Variants in PDE1C observed in about 807,000 individuals in gnomAD.
PDE1C encodes dual specificity calcium/calmodulin-dependent 3',5'-cyclic nucleotide phosphodiesterase 1C.
A neutral mutation model predicts 93.1 loss-of-function variants in PDE1C; 62 were observed. That is an observed-to-expected ratio of 0.67 (90% CI 0.54 to 0.82). The LOEUF (loss-of-function observed/expected upper bound fraction) is 0.82, where lower values mean the gene tolerates loss of function less well. PDE1C is among the 40% of genes least tolerant of loss of function. PDE1C has a pLI of 0.00. For synonymous variants in PDE1C, 325 were observed against 310.1 expected (o/e 1.05, Z -0.50); for missense variants, 742 against 884.6 (o/e 0.84, Z 2.04).
Position 32,357,338 on chromosome 7 carries a change from A to AC in PDE1C, c.310+70483_310+70484insG, listed in dbSNP as rs72109234. Among the ~76,000 whole-genome samples, 453 of 105,180 alleles carry AC rather than the reference A, an allele frequency of 4.3e-3. 2 individuals are homozygous for AC. Among genetic ancestry groups the AC allele is most frequent in the South Asian group, 0.01 (39 of 3,838 alleles). 69.0% of individuals were successfully genotyped at this position (105,180 alleles called of 152,430 possible). On this transcript the variant is annotated intron_variant, in intron 1 of 1. Coordinates refer to the PDE1C transcript ENST00000672256. ...AACAGAGCGAGATTCCATCACACAC[A>AC]AAAAAAAAACCTTTAAGTGACTGTG...
intron 1 of PDE1C, among the ~76,000 whole-genome samples, chr7:32,331,775 T>G (rs1783521146): frequency 6.6e-6 from 1 of 152,172 alleles, no homozygotes; most frequent in African/African-American, 2.4e-5. Flanking sequence ...AACTCCCAAG[T>G]TTGGGACTGA....
intron 1 of PDE1C, among the ~76,000 whole-genome samples, chr7:32,212,751 G>T (rs1464476191): frequency 6.6e-6 from 1 of 152,096 alleles, no homozygotes; most frequent in Non-Finnish European, 1.5e-5. Flanking sequence ...ATTCACTTCT[G>T]AAAAGCCTCC....
chr7:31,633,076 A>C, the PDE1C span, among the ~76,000 whole-genome samples: 1 of 151,912 alleles, frequency 6.6e-6, no homozygotes, highest in Non-Finnish European at 1.5e-5. Flanking sequence ...TAGTAAAGAC[A>C]GGGTTTCACC....
At chr7:32,216,531 G>A (rs1806447314) in intron 1 of PDE1C, among the ~76,000 whole-genome samples, 1 of 152,198 alleles carries the variant, frequency 6.6e-6, no homozygotes, top group Non-Finnish European at 1.5e-5. Flanking sequence ...GAACGTGATG[G>A]AGCCAAGGAT....
the PDE1C span, among the ~76,000 whole-genome samples, chr7:31,669,118 C>T: frequency 6.6e-6 from 1 of 152,242 alleles, no homozygotes; most frequent in East Asian, 1.9e-4. Flanking sequence ...TGATGTGACG[C>T]ATTTTAAGAG....
chr7:31,928,335 T>C (rs1489707158), intron 2 of PDE1C, among the ~76,000 whole-genome samples: 1 of 152,020 alleles, frequency 6.6e-6, no homozygotes, highest in African/African-American at 2.4e-5. Flanking sequence ...ACAGGGAGAA[T>C]GGAACCAAGT....
chr7:32,249,550 G>A (rs923896609), intron 1 of PDE1C, among the ~76,000 whole-genome samples: 4 of 152,126 alleles, frequency 2.6e-5, no homozygotes, highest in Non-Finnish European at 4.4e-5. Context: ...GAGGACAAAG[G>A]ACACCCAAAA....
At chr7:31,900,240 C>G (rs571051071) in intron 2 of PDE1C, among the ~76,000 whole-genome samples, 20 of 152,106 alleles carry the variant, frequency 1.3e-4, no homozygotes, top group Non-Finnish European at 2.9e-4. Context: ...TATTCTCTCT[C>G]ATCATATCAA....
In PDE1C at chr7:31,926,439, C is replaced by T. The variant is rs74670529; in HGVS notation, c.129-45579G>A. 5.3e-3 allele frequency among the ~76,000 whole-genome samples: 814 copies of T among 152,284 alleles called. 9 individuals are homozygous for T. Among genetic ancestry groups the T allele is most frequent in the African/African-American group, 0.018 (755 of 41,540 alleles). On this transcript the variant is annotated intron_variant, in intron 2 of 17. Transcript: ENST00000396191. ...ATATGTGTTGAATGTGAACGCAAACCTATGAATATTTTAGCAAATAACCTC... is the reference window on the plus strand; with the variant it reads ...ATATGTGTTGAATGTGAACGCAAACTTATGAATATTTTAGCAAATAACCTC...
At chr7:32,330,033 G>A (rs1783481270) in intron 1 of PDE1C, among the ~76,000 whole-genome samples, 1 of 152,232 alleles carries the variant, frequency 6.6e-6, no homozygotes, top group African/African-American at 2.4e-5. Flanking sequence ...ATTGAATATA[G>A]CATCTCCCAG....
intron 2 of PDE1C, among the ~76,000 whole-genome samples, chr7:32,011,310 A>T (rs1460098189): frequency 6.6e-6 from 1 of 151,900 alleles, no homozygotes; most frequent in East Asian, 1.9e-4. Context: ...CTCCTGCCTC[A>T]GCCTCCCAAG....
intron 2 of PDE1C, among the ~76,000 whole-genome samples, chr7:31,931,514 A>C (rs183439893): frequency 6.6e-6 from 1 of 152,318 alleles, no homozygotes; most frequent in African/African-American, 2.4e-5. Flanking sequence ...TAAAATACCT[A>C]GGAATACAAC....
intron 2 of PDE1C, among the ~76,000 whole-genome samples, chr7:31,892,035 T>C (rs932100501): frequency 6.6e-6 from 1 of 152,204 alleles, no homozygotes; most frequent in African/African-American, 2.4e-5. Context: ...ATTAAACATT[T>C]AGTTTTAAAA....
At chr7:32,093,828 T>G (rs1445578888) in intron 3 of PDE1C, among the ~76,000 whole-genome samples, 1 of 152,228 alleles carries the variant, frequency 6.6e-6, no homozygotes, top group East Asian at 1.9e-4. Flanking sequence ...AGCTGCTGTG[T>G]GCTCTGGGAC....
Position 31,753,151 on chromosome 7 carries a change from T to C in PDE1C, c.*233A>G, listed in dbSNP as rs1794218486. On this transcript the variant is annotated 3_prime_UTR_variant, in exon 18 of 18. Transcript: ENST00000396191. ...TATACCATAAAAACACCCCTCTTGCTAGTTTGTTGCTGGCGTCTGGGCTGA... is the reference window on the plus strand; with the variant it reads ...TATACCATAAAAACACCCCTCTTGCCAGTTTGTTGCTGGCGTCTGGGCTGA... The C allele has an allele frequency of 3.0e-6, 1 of 335,328 alleles. No homozygotes were observed. The highest frequency in any genetic ancestry group is 4.8e-5 in the East Asian group (1 of 20,902). 20.8% of individuals were successfully genotyped at this position (335,328 alleles called of 1,614,324 possible).
chr7:31,949,546 T>C (rs1485326528), intron 2 of PDE1C, among the ~76,000 whole-genome samples: 1 of 152,198 alleles, frequency 6.6e-6, no homozygotes, highest in Non-Finnish European at 1.5e-5. Flanking sequence ...ATTTCTAAAA[T>C]TGAAGTCAAT....
chr7:31,620,296 G>A, the PDE1C span, among the ~76,000 whole-genome samples: 2 of 152,082 alleles, frequency 1.3e-5, no homozygotes, highest in African/African-American at 4.8e-5. Flanking sequence ...AGAACGGGCA[G>A]ACTGCCTCCT....
the PDE1C span, among the ~76,000 whole-genome samples, chr7:31,658,964 G>A: frequency 6.6e-6 from 1 of 152,092 alleles, no homozygotes; most frequent in Non-Finnish European, 1.5e-5. Flanking sequence ...TTTCCTAAAT[G>A]TACCAATGCT....
chr7:32,038,846 A>G (rs1456835389), intron 2 of PDE1C, among the ~76,000 whole-genome samples: 1 of 152,202 alleles, frequency 6.6e-6, no homozygotes, highest in Non-Finnish European at 1.5e-5. Flanking sequence ...TTTCTATTCA[A>G]AATAATGATG....
Sources: allele counts gnomAD v4.1 joint callset (sites outside exome capture counted in the v4.1 genomes callset), GRCh38; gene constraint gnomAD v4.1.1; transcripts MANE v1.5; gene names NCBI Gene and HGNC (gene_info 2026-07-23, HGNC 2026-07-21).